The following SNX9 variants were observed in gnomAD, a reference collection of about 807,000 sequenced individuals.
The protein encoded by SNX9 is sorting nexin-9.
Under a neutral mutation model 89.4 loss-of-function variants are expected in SNX9, and 44 were observed. The ratio of observed to expected loss-of-function variants is 0.49; its 90% CI spans 0.39 to 0.63. The LOEUF (loss-of-function observed/expected upper bound fraction) is 0.63, where lower values mean the gene tolerates loss of function less well. SNX9 is among the 30% of genes least tolerant of loss of function. SNX9 has a pLI of 0.00. For synonymous variants in SNX9, 236 were observed against 247.8 expected, an observed-to-expected ratio of 0.95 and a Z score of 0.45; for missense variants, 578 against 736.1, an observed-to-expected ratio of 0.79 and a Z score of 2.49.
intron 12 of SNX9, 92 bp downstream of exon 12, chr6:157,928,794 G>A (rs898261937): frequency 2.1e-5 from 20 of 944,676 alleles, no homozygotes; most frequent in African/African-American, 1.0e-4. Context: ...CTGCTGCCTC[G>A]AACAGAAGTG....
chr6:157,937,801 G>T (rs1783956872), intron 15 of SNX9, among the ~76,000 whole-genome samples: 1 of 152,188 alleles, frequency 6.6e-6, no homozygotes, highest in Non-Finnish European at 1.5e-5. Context: ...CGTATATTAT[G>T]ATGTACTTGG....
chr6:157,840,451 C>CTTT (rs1227557742), intron 1 of SNX9, among the ~76,000 whole-genome samples: 19 of 150,012 alleles, frequency 1.3e-4, no homozygotes, highest in South Asian at 6.4e-4. Flanking sequence ...TCTTTCCTTT[C>CTTT]CTTCCTTCCT....
intron 1 of SNX9, among the ~76,000 whole-genome samples, chr6:157,846,245 T>G (rs558526167): frequency 6.6e-6 from 1 of 152,338 alleles, no homozygotes; most frequent in South Asian, 2.1e-4. Context: ...TCTTCAAATT[T>G]TATTTTATTT....
At chr6:157,856,767 T>G (rs1782021240) in intron 1 of SNX9, among the ~76,000 whole-genome samples, 1 of 152,210 alleles carries the variant, frequency 6.6e-6, no homozygotes, top group Non-Finnish European at 1.5e-5. Flanking sequence ...AATATATTCT[T>G]TTGTATTTCT....
chr6:157,899,890 T>C (rs1367373307), intron 5 of SNX9, among the ~76,000 whole-genome samples: 1 of 143,820 alleles, frequency 7.0e-6, no homozygotes, highest in African/African-American at 2.7e-5. Flanking sequence ...CATGATTACC[T>C]AAGTGTGTGT....
At chr6:157,890,757 G>A (rs189514228) in intron 4 of SNX9, among the ~76,000 whole-genome samples, 2 of 152,330 alleles carry the variant, frequency 1.3e-5, no homozygotes, top group African/African-American at 2.4e-5. Context: ...GAGCTCAGAC[G>A]AGAGTGATTG....
chr6:157,825,905 GACTA>G (rs1178237828), intron 1 of SNX9, among the ~76,000 whole-genome samples: 3 of 152,060 alleles, frequency 2.0e-5, no homozygotes, highest in Admixed American at 1.3e-4. Flanking sequence ...TAGTAGTAAT[GACTA>G]ACTTTTAATA....
At chr6:157,866,920 G>A (rs1782275346) in intron 1 of SNX9, among the ~76,000 whole-genome samples, 1 of 152,078 alleles carries the variant, frequency 6.6e-6, no homozygotes. Flanking sequence ...AAGATAGTCT[G>A]TTGTTGTTGT....
intron 12 of SNX9, among the ~76,000 whole-genome samples, chr6:157,929,608 T>TA (rs1015429890): frequency 8.6e-5 from 13 of 152,040 alleles, no homozygotes; most frequent in East Asian, 3.8e-4. Flanking sequence ...TGTATTCAGT[T>TA]AAAAAAAATG....
In SNX9 at chr6:157,823,455, C is replaced by T; in HGVS notation, c.12+9C>T. 1 of 1,219,016 alleles carries T rather than the reference C, an allele frequency of 8.2e-7. No individual in the cohort carries two copies. Among genetic ancestry groups the T allele is most frequent in the Non-Finnish European group, 1.0e-6 (1 of 982,490 alleles). The allele number at this position is 1,219,016 out of a possible 1,614,324, so 75.5% of individuals were successfully genotyped here. The stretch of plus-strand genomic sequence containing the variant: ...CCGCCATGGCCACCAAGGTGAGGGG[C>T]GCGCGGCGCAGGCCGGGCCGGTCGC... On this transcript the variant is annotated intron_variant, in intron 1 of 17. Coordinates refer to ENST00000392185, the MANE Select transcript of SNX9 (RefSeq NM_016224.5). This position sits in a 1 kb window ranked among gnomAD's most constrained non-coding sequence, Gnocchi z 4.6.
In SNX9 at chr6:157,892,040, G is replaced by A. The variant is rs117518010; in HGVS notation, c.301-4787G>A. 8.4e-4 allele frequency among the ~76,000 whole-genome samples: 124 copies of A among 147,702 alleles called. No homozygotes were observed. In the East Asian group the frequency reaches 0.012, roughly 14 times the overall value. On this transcript the variant is annotated intron_variant, in intron 4 of 17. Coordinates refer to ENST00000392185, the MANE Select transcript of SNX9 (RefSeq NM_016224.5). The stretch of plus-strand genomic sequence containing the variant: ...GAAGGGATTTTAATTACCCATGATG[G>A]ACAGTTAAGAGCTTTGCAAAATAAG...
At chr6:157,899,892 A>AGTGTGT (rs112378365) in intron 5 of SNX9, among the ~76,000 whole-genome samples, 3,329 of 151,790 alleles carry the variant, frequency 0.022, 103 homozygotes, top group African/African-American at 0.075. Context: ...TGATTACCTA[A>AGTGTGT]GTGTGTGTGT....
intron 2 of SNX9, among the ~76,000 whole-genome samples, chr6:157,870,365 G>A (rs1039060257): frequency 2.0e-5 from 3 of 150,506 alleles, no homozygotes; most frequent in Non-Finnish European, 4.4e-5. Flanking sequence ...CACACATGCA[G>A]CACTCACCCG....
At chr6:157,828,812 C>G (rs562997261) in intron 1 of SNX9, among the ~76,000 whole-genome samples, 2 of 152,142 alleles carry the variant, frequency 1.3e-5, no homozygotes, top group Non-Finnish European at 2.9e-5. Context: ...ATCACTTCCC[C>G]GGGAAAGCCT....
intron 9 of SNX9, 142 bp from the exon 10 acceptor site, chr6:157,921,388 TA>T: frequency 1.3e-6 from 1 of 770,508 alleles, no homozygotes; most frequent in Non-Finnish European, 2.0e-6. Context: ...TTAGATTAGT[TA>T]AAAATCTCCA....
At chr6:157,870,373 C>T (rs1248088658) in intron 2 of SNX9, among the ~76,000 whole-genome samples, 5 of 151,908 alleles carry the variant, frequency 3.3e-5, no homozygotes, top group Non-Finnish European at 7.4e-5. Context: ...CAGCACTCAC[C>T]CGTGTGAGTG....
chr6:157,933,595 C>T (rs1272052429), intron 13 of SNX9, among the ~76,000 whole-genome samples: 1 of 152,136 alleles, frequency 6.6e-6, no homozygotes, highest in East Asian at 1.9e-4. Context: ...GAACTCAAGG[C>T]CAGAACAGAG....
intron 2 of SNX9, among the ~76,000 whole-genome samples, chr6:157,868,564 G>A (rs557281694): frequency 5.3e-5 from 8 of 152,290 alleles, no homozygotes; most frequent in African/African-American, 1.9e-4. Context: ...ATATTCATTT[G>A]TGTCCAATCT....
intron 6 of SNX9, 117 bp from the exon 7 acceptor site, chr6:157,906,011 T>A: frequency 1.3e-6 from 1 of 748,368 alleles, no homozygotes; most frequent in Admixed American, 3.1e-5. Flanking sequence ...CAGTTTCCAG[T>A]TCTAGTGCAC....
Sources: gnomAD v4.1 joint callset for allele counts (sites outside exome capture counted in the v4.1 genomes callset) on GRCh38, gnomAD v4.1.1 for gene constraint, Gnocchi (gnomAD v3.1) non-coding constraint, MANE v1.5 for transcripts, NCBI Gene and HGNC (gene_info 2026-07-23, HGNC 2026-07-21) for gene names.